MTCL1: variants seen among roughly 807,000 people sequenced by gnomAD.
The protein encoded by MTCL1 is microtubule crosslinking factor 1, also known as microtubule cross-linking factor 1.
Under a neutral mutation model 141.4 loss-of-function variants are expected in MTCL1, and 79 were observed. The ratio of observed to expected loss-of-function variants is 0.56; its 90% confidence interval spans 0.47 to 0.67. The LOEUF (loss-of-function observed/expected upper bound fraction) is 0.67, where lower values mean the gene tolerates loss of function less well. Among genes scored for constraint, MTCL1 ranks in the 30% least tolerant of loss-of-function variants. The probability of loss-of-function intolerance (pLI) is 0.00; values close to 1 mark genes in which losing one functional copy is unlikely to be tolerated. For synonymous variants in MTCL1, 914 were observed against 875.8 expected (o/e 1.04, Z -0.77); for missense variants, 2,177 against 2,113.9 (o/e 1.03, Z -0.59).
chr18:8,782,566 C>T (rs2096536296), intron 5 of MTCL1: 1 of 152,240 alleles, frequency 6.6e-6, no homozygotes, highest in Non-Finnish European at 1.5e-5. Context: ...ACAGCAGAGT[C>T]AGCTTTTGAG....
At chr18:8,829,669 C>G (rs2077134684) in intron 16 of MTCL1, 1 of 985,132 alleles carries the variant, frequency 1.0e-6, no homozygotes, top group African/African-American at 1.7e-5. Context: ...GGCCTTGACT[C>G]GAAGCCAGTA....
rs189965417 is a variant in MTCL1 at position 8,711,782 on chromosome 18, G to A, written c.1053+5069G>A. Among the ~76,000 whole-genome samples the A allele has an allele frequency of 1.7e-3, 264 of 151,112 alleles. 1 individual carries two copies. Among genetic ancestry groups the A allele is most frequent in the Non-Finnish European group, 3.3e-3 (221 of 67,718 alleles). The stretch of plus-strand genomic sequence containing the variant: ...TTTGTTTGAGTTCATTGTAGATTCT[G>A]GATATTAGCCCTTTGTCAGATGAGT... On this transcript the variant is annotated intron_variant, in intron 1 of 13. Coordinates refer to the MTCL1 transcript ENST00000306329.
At chr18:8,769,999 GC>G (rs1215929219) in intron 4 of MTCL1, among the ~76,000 whole-genome samples, 3 of 152,318 alleles carry the variant, frequency 2.0e-5, no homozygotes, top group Admixed American at 2.0e-4. Flanking sequence ...AGTCCTTTGT[GC>G]TCTTTTGCTA....
intron 4 of MTCL1, among the ~76,000 whole-genome samples, chr18:8,741,782 T>G (rs2096304717): frequency 6.6e-6 from 1 of 152,224 alleles, no homozygotes; most frequent in Middle Eastern, 3.2e-3. Flanking sequence ...ACTCATCAAA[T>G]CAACTTAATG....
Position 8,752,078 on chromosome 18 carries a change from C to T in MTCL1, c.358-25755C>T, listed in dbSNP as rs544238604. 4.6e-5 allele frequency among the ~76,000 whole-genome samples: 7 copies of T among 152,158 alleles called. No homozygotes were observed. The South Asian group carries it at 6.2e-4, about 14-fold the overall frequency. ...ATAAGGCTGAAAGGTAAAGAAGGAGCGGGATGGAAAGGACCCCAGAGCTTT... is the reference window on the plus strand; with the variant it reads ...ATAAGGCTGAAAGGTAAAGAAGGAGTGGGATGGAAAGGACCCCAGAGCTTT... On this transcript the variant is annotated intron_variant, in intron 4 of 16. Transcript: ENST00000359865.
chr18:8,753,057 C>CAG (rs1284687705), intron 4 of MTCL1, among the ~76,000 whole-genome samples: 1 of 152,204 alleles, frequency 6.6e-6, no homozygotes, highest in Non-Finnish European at 1.5e-5. Context: ...TGGCCTCAAG[C>CAG]AGAGCCACAG....
chr18:8,789,264 T>G (rs2075633841), intron 7 of MTCL1, among the ~76,000 whole-genome samples: 2 of 152,236 alleles, frequency 1.3e-5, no homozygotes, highest in African/African-American at 2.4e-5. Flanking sequence ...TGCCAAGTAT[T>G]TGCACTCATG....
At position 8,785,919 on chromosome 18, in the gene MTCL1, T is replaced by C; in HGVS notation, c.1732-17T>C. On this transcript the variant is annotated splice_polypyrimidine_tract_variant and intron_variant, in intron 6 of 16. Coordinates refer to ENST00000359865, the Ensembl canonical transcript of MTCL1. The stretch of plus-strand genomic sequence containing the variant: ...TTAAAGAACAACAACAACAAATTCC[T>C]CCCGTGCACCTAACAGTCCAGACTG... 1.3e-6 allele frequency: 2 copies of C among 1,552,062 alleles called. No individual in the cohort carries two copies. Among genetic ancestry groups the C allele is most frequent in the Non-Finnish European group, 1.7e-6 (2 of 1,153,448 alleles).
At chr18:8,829,706 T>A (rs957187804) in intron 16 of MTCL1, 1 of 985,214 alleles carries the variant, frequency 1.0e-6, no homozygotes, top group African/African-American at 1.7e-5. Flanking sequence ...ACAACAGATG[T>A]ATCCCCATGA....
chr18:8,786,131 C>CCCCTTT, intron 7 of MTCL1, 40 bp downstream of exon 6: 2 of 1,520,142 alleles, frequency 1.3e-6, no homozygotes, highest in Non-Finnish European at 1.8e-6. Flanking sequence ...CGCCCTCCCC[C>CCCCTTT]TCCTTTTTCT....
intron 4 of MTCL1, among the ~76,000 whole-genome samples, chr18:8,773,401 T>C (rs1175383482): frequency 6.6e-6 from 1 of 152,214 alleles, no homozygotes; most frequent in Non-Finnish European, 1.5e-5. Flanking sequence ...GTAATTGTGT[T>C]TATTGGCCGT....
chr18:8,716,437 C>T (rs553627852), upstream of MTCL1, among the ~76,000 whole-genome samples: 6 of 152,124 alleles, frequency 3.9e-5, no homozygotes, highest in Non-Finnish European at 8.8e-5. Flanking sequence ...GTAAGGTTGA[C>T]CGAAGCATCA....
exon 15 of MTCL1, chr18:8,825,629 C>T: frequency 6.2e-7 from 1 of 1,613,912 alleles, no homozygotes; most frequent in Non-Finnish European, 8.5e-7. Context: ...TGGCCCCTGC[C>T]ATCGAGAAGG....
At chr18:8,715,726 AAG>A (rs1382523600), upstream of MTCL1, among the ~76,000 whole-genome samples, 1 of 152,188 alleles carries the variant, frequency 6.6e-6, no homozygotes, top group Non-Finnish European at 1.5e-5. Context: ...ACTCTATCGA[AAG>A]AGTGACAACC....
At chr18:8,761,897 G>C (rs919986316) in intron 4 of MTCL1, among the ~76,000 whole-genome samples, 4 of 152,182 alleles carry the variant, frequency 2.6e-5, no homozygotes, top group African/African-American at 9.6e-5. Context: ...TTTGGGTGGG[G>C]ACACAGCCAA....
chr18:8,768,614 A>G (rs1276018853), intron 4 of MTCL1, among the ~76,000 whole-genome samples: 1 of 152,168 alleles, frequency 6.6e-6, no homozygotes, highest in Admixed American at 6.5e-5. Context: ...AAAGAGGGCA[A>G]CATTTTAATA....
At chr18:8,829,706 T>C in intron 16 of MTCL1, 21 of 985,332 alleles carry the variant, frequency 2.1e-5, no homozygotes, top group Non-Finnish European at 2.4e-5. Context: ...ACAACAGATG[T>C]ATCCCCATGA....
rs376864426 is a variant in MTCL1 at position 8,729,189 on chromosome 18, C to T, written c.357+8693C>T. Among the ~76,000 whole-genome samples, 16 of 127,092 alleles carry T rather than the reference C, an allele frequency of 1.3e-4. No homozygotes were observed. In the East Asian group the frequency reaches 2.6e-3, roughly 20 times the overall value. 83.4% of individuals were successfully genotyped at this position (127,092 alleles called of 152,430 possible). On this transcript the variant is annotated intron_variant, in intron 4 of 16. Coordinates refer to ENST00000359865, the Ensembl canonical transcript of MTCL1. ...CACTTTCCACCCCCACCCCCGGCCC[C>T]GAGTAGCTAGGCTAGTGCCACATGC...
At chr18:8,819,333 G>T in intron 13 of MTCL1, 74 bp downstream of exon 12, 2 of 1,504,116 alleles carry the variant, frequency 1.3e-6, no homozygotes, top group South Asian at 1.2e-5. Flanking sequence ...AGAGGCATCT[G>T]CCAGATTCCT....
Sources: gnomAD v4.1 joint callset for allele counts (sites outside exome capture counted in the v4.1 genomes callset) on GRCh38, gnomAD v4.1.1 for gene constraint, MANE v1.5 for transcripts, NCBI Gene and HGNC (gene_info 2026-07-23, HGNC 2026-07-21) for gene names.